Variants in DNAAF11 observed in about 807,000 individuals in gnomAD.
The protein encoded by DNAAF11 is leucine rich repeat containing 6.
Under a neutral mutation model 60.8 loss-of-function variants are expected in DNAAF11, and 45 were observed. That is an observed-to-expected ratio of 0.74 (90% CI 0.58 to 0.95). The LOEUF (loss-of-function observed/expected upper bound fraction) is 0.95, where lower values mean the gene tolerates loss of function less well. Ranked by LOEUF, DNAAF11 falls within the 40% of genes least tolerant of loss-of-function variation. DNAAF11 has a pLI of 0.00. For synonymous variants in DNAAF11, 191 were observed against 183.5 expected, an observed-to-expected ratio of 1.04 and a Z score of -0.33; for missense variants, 546 against 546.2, an observed-to-expected ratio of 1.00 and a Z score of 0.00.
intron 1 of DNAAF11, 36 bp downstream of exon 1, chr8:132,675,448 G>A: frequency 1.9e-6 from 3 of 1,555,700 alleles, no homozygotes; most frequent in African/African-American, 2.8e-5. Flanking sequence ...TTCCACAAGG[G>A]GAACGATCGA....
At chr8:132,649,458 C>T (rs1451578797) in intron 3 of DNAAF11, among the ~76,000 whole-genome samples, 2 of 152,080 alleles carry the variant, frequency 1.3e-5, no homozygotes, top group East Asian at 1.9e-4. Flanking sequence ...TAGGCATGGG[C>T]AAGGGCTTTA....
chr8:132,587,336 G>C (rs1354106132), intron 10 of DNAAF11, among the ~76,000 whole-genome samples: 8 of 152,136 alleles, frequency 5.3e-5, no homozygotes, highest in Admixed American at 2.6e-4. Context: ...GGAGTCAGCT[G>C]TAAGCAAAAT....
At chr8:132,663,339 C>T (rs954523407) in intron 1 of DNAAF11, among the ~76,000 whole-genome samples, 3 of 152,172 alleles carry the variant, frequency 2.0e-5, no homozygotes, top group Admixed American at 6.5e-5. Context: ...ATCCTCCTAA[C>T]CAAAGTTGGT....
At chr8:132,595,348 G>GAAAAAAAA (rs71306394) in intron 10 of DNAAF11, among the ~76,000 whole-genome samples, 9 of 57,412 alleles carry the variant, frequency 1.6e-4, no homozygotes, top group African/African-American at 1.0e-3. Flanking sequence ...AGACAGAGGG[G>GAAAAAAAA]AAAAAAAAAA....
At chr8:132,577,039 A>G (rs562557140) in intron 11 of DNAAF11, among the ~76,000 whole-genome samples, 2 of 152,340 alleles carry the variant, frequency 1.3e-5, no homozygotes, top group South Asian at 4.1e-4. Context: ...AAATCATAAG[A>G]GTGAAACTTT....
intron 5 of DNAAF11, among the ~76,000 whole-genome samples, chr8:132,627,629 A>G (rs926205082): frequency 1.3e-5 from 2 of 152,050 alleles, no homozygotes; most frequent in African/African-American, 2.4e-5. Flanking sequence ...CCTCCAACCC[A>G]TTCTCTCTCC....
At chr8:132,659,673 G>A (rs1416802201) in intron 2 of DNAAF11, among the ~76,000 whole-genome samples, 1 of 152,114 alleles carries the variant, frequency 6.6e-6, no homozygotes, top group Admixed American at 6.5e-5. Flanking sequence ...AAAATACAGA[G>A]AATTTTAGTA....
chr8:132,698,883 C>A, the DNAAF11 span, among the ~76,000 whole-genome samples: 1 of 151,216 alleles, frequency 6.6e-6, no homozygotes. Flanking sequence ...GAGTTCAAGG[C>A]CAGCCTGGTG....
At chr8:132,641,188 T>C (rs1821817441) in intron 3 of DNAAF11, among the ~76,000 whole-genome samples, 1 of 152,192 alleles carries the variant, frequency 6.6e-6, no homozygotes, top group Non-Finnish European at 1.5e-5. Context: ...ATTTACATAA[T>C]GTTCAAGTAT....
At chr8:132,606,345 C>A (rs1258355048) in intron 10 of DNAAF11, among the ~76,000 whole-genome samples, 1 of 152,120 alleles carries the variant, frequency 6.6e-6, no homozygotes, top group African/African-American at 2.4e-5. Flanking sequence ...TCCCTGAAGA[C>A]CTTCCCATGG....
rs866358502 is a variant in DNAAF11 at position 132,649,098 on chromosome 8, C to T, written c.256+7732G>A. Among the ~76,000 whole-genome samples the T allele has an allele frequency of 3.7e-3, 556 of 152,238 alleles. 3 individuals are homozygous for T. Among genetic ancestry groups the T allele is most frequent in the African/African-American group, 0.013 (523 of 41,530 alleles). Reference sequence around the variant, plus strand: ...AAAAAGAACAAAGCTGGAGGCATCACACTACCTGACTTCAAACTATACTAC... The same window carrying T: ...AAAAAGAACAAAGCTGGAGGCATCATACTACCTGACTTCAAACTATACTAC... On this transcript the variant is annotated intron_variant, in intron 3 of 11. Transcript: ENST00000620350.
intron 11 of DNAAF11, among the ~76,000 whole-genome samples, chr8:132,579,609 G>T (rs1023070634): frequency 2.0e-5 from 3 of 152,154 alleles, no homozygotes; most frequent in Non-Finnish European, 4.4e-5. Context: ...ACATTCCACA[G>T]TTATTCTTGT....
intron 4 of DNAAF11, 130 bp from the exon 5 acceptor site, chr8:132,633,093 G>T: frequency 1.7e-6 from 1 of 587,604 alleles, no homozygotes; most frequent in Non-Finnish European, 3.0e-6. Context: ...TAATTAATGG[G>T]AAATATCAGA....
chr8:132,639,602 C>G (rs1195450739), intron 3 of DNAAF11, among the ~76,000 whole-genome samples: 1 of 152,068 alleles, frequency 6.6e-6, no homozygotes, highest in Admixed American at 6.6e-5. Context: ...ATAATGGAAC[C>G]AACTTCACTA....
At chr8:132,668,464 T>G (rs917743666) in intron 1 of DNAAF11, among the ~76,000 whole-genome samples, 1 of 151,962 alleles carries the variant, frequency 6.6e-6, no homozygotes, top group Non-Finnish European at 1.5e-5. Flanking sequence ...TTTTTTTTTT[T>G]CTTTGAGACA....
At chr8:132,679,544 A>G (rs955164336), upstream of DNAAF11, among the ~76,000 whole-genome samples, 1 of 152,170 alleles carries the variant, frequency 6.6e-6, no homozygotes, top group South Asian at 2.1e-4. Context: ...TCCAGGGGCA[A>G]GGTCTTGACA....
the DNAAF11 span, among the ~76,000 whole-genome samples, chr8:132,700,579 T>C: frequency 1.3e-5 from 2 of 151,804 alleles, no homozygotes; most frequent in African/African-American, 4.8e-5. Context: ...TCCCAGCTAC[T>C]TGGGAGGCTG....
At chr8:132,630,616 T>C (rs1241777145) in intron 5 of DNAAF11, among the ~76,000 whole-genome samples, 3 of 152,132 alleles carry the variant, frequency 2.0e-5, no homozygotes, top group Non-Finnish European at 2.9e-5. Context: ...AAGACACTTG[T>C]AAAGCACATA....
At chr8:132,673,055 T>C (rs1037289730) in intron 1 of DNAAF11, among the ~76,000 whole-genome samples, 2 of 152,148 alleles carry the variant, frequency 1.3e-5, no homozygotes, top group African/African-American at 2.4e-5. Context: ...AGGCCATTTA[T>C]TGGGAAGCAC....
Sources: gnomAD v4.1 joint callset for allele counts (sites outside exome capture counted in the v4.1 genomes callset) on GRCh38, gnomAD v4.1.1 for gene constraint, MANE v1.5 for transcripts, NCBI Gene and HGNC (gene_info 2026-07-23, HGNC 2026-07-21) for gene names.